PPP6R3: variants seen among roughly 807,000 people sequenced by gnomAD.
The protein encoded by PPP6R3 is protein phosphatase 6 regulatory subunit 3.
In PPP6R3, 38 loss-of-function variants were observed where a neutral mutation model predicts 110.7. The ratio of observed to expected loss-of-function variants is 0.34; its 90% CI spans 0.26 to 0.45. The LOEUF (loss-of-function observed/expected upper bound fraction) is 0.45. PPP6R3 is among the 20% of genes least tolerant of loss of function. The probability of loss-of-function intolerance (pLI) is 1.00; values close to 1 mark genes in which losing one functional copy is unlikely to be tolerated. For missense variants in PPP6R3, 870 were observed against 1,062.4 expected, an observed-to-expected ratio of 0.82 and a Z score of 2.52; for synonymous variants, 369 against 373.5, an observed-to-expected ratio of 0.99 and a Z score of 0.14.
chr11:68,526,118 T>C (rs1487218662), intron 2 of PPP6R3, among the ~76,000 whole-genome samples: 1 of 152,208 alleles, frequency 6.6e-6, no homozygotes, highest in Non-Finnish European at 1.5e-5. Context: ...TACCTGTTGC[T>C]TCCTTTCTGA....
intron 2 of PPP6R3, among the ~76,000 whole-genome samples, chr11:68,523,157 C>T (rs1002433707): frequency 9.9e-5 from 15 of 152,144 alleles, no homozygotes; most frequent in South Asian, 4.1e-4. Flanking sequence ...TAATTATTCC[C>T]GGAATCCCTA....
chr11:68,559,810 C>G (rs982598195), intron 8 of PPP6R3, among the ~76,000 whole-genome samples: 2 of 146,876 alleles, frequency 1.4e-5, no homozygotes, highest in African/African-American at 5.0e-5. Context: ...CCCAGCGGTA[C>G]AGTACCCTCT....
intron 2 of PPP6R3, among the ~76,000 whole-genome samples, chr11:68,523,000 C>G (rs1177260740): frequency 6.6e-6 from 1 of 152,216 alleles, no homozygotes; most frequent in African/African-American, 2.4e-5. Context: ...CTTATTTCCA[C>G]ATTTCTAAAT....
intron 1 of PPP6R3, among the ~76,000 whole-genome samples, chr11:68,480,849 C>T (rs2098903663): frequency 6.6e-6 from 1 of 152,096 alleles, no homozygotes; most frequent in Non-Finnish European, 1.5e-5. Context: ...ATGGAGTGTT[C>T]ATGTGTCAAT....
intron 1 of PPP6R3, among the ~76,000 whole-genome samples, chr11:68,463,384 G>T (rs1362987121): frequency 8.4e-6 from 1 of 119,682 alleles, no homozygotes; most frequent in Non-Finnish European, 1.9e-5. Flanking sequence ...AAAAGATAGG[G>T]CTTTGCACCT....
chr11:68,564,672 C>G (rs138902434), intron 9 of PPP6R3, among the ~76,000 whole-genome samples: 4 of 152,194 alleles, frequency 2.6e-5, no homozygotes, highest in Non-Finnish European at 5.9e-5. Context: ...TGGGTACTTA[C>G]ATGCCAGTAA....
At chr11:68,480,686 CT>C (rs1180878313) in intron 1 of PPP6R3, among the ~76,000 whole-genome samples, 1 of 152,066 alleles carries the variant, frequency 6.6e-6, no homozygotes, top group Non-Finnish European at 1.5e-5. Context: ...TTGGATTATT[CT>C]TTTGGTGTCT....
At chr11:68,465,006 T>G (rs1175308488) in intron 1 of PPP6R3, among the ~76,000 whole-genome samples, 1 of 151,828 alleles carries the variant, frequency 6.6e-6, no homozygotes, top group Non-Finnish European at 1.5e-5. Flanking sequence ...CTTAGCCTCC[T>G]GAGTAGCTAG....
chr11:68,566,166 A>G (rs1177426093), intron 9 of PPP6R3, among the ~76,000 whole-genome samples: 2 of 152,180 alleles, frequency 1.3e-5, no homozygotes, highest in Non-Finnish European at 2.9e-5. Context: ...CATTTTTATC[A>G]CAGATTTGGC....
At chr11:68,509,521 C>G (rs941629235) in intron 1 of PPP6R3, among the ~76,000 whole-genome samples, 7 of 145,314 alleles carry the variant, frequency 4.8e-5, no homozygotes, top group African/African-American at 1.8e-4. Context: ...TCTGTAGCCA[C>G]TGGTACCATG....
intron 1 of PPP6R3, among the ~76,000 whole-genome samples, chr11:68,476,168 G>A (rs1480530641): frequency 6.6e-6 from 1 of 152,230 alleles, no homozygotes; most frequent in Non-Finnish European, 1.5e-5. Flanking sequence ...TCCAGCCTGG[G>A]CAACATTGAG....
intron 6 of PPP6R3, among the ~76,000 whole-genome samples, chr11:68,551,662 A>G (rs1275211152): frequency 1.3e-5 from 2 of 151,924 alleles, no homozygotes; most frequent in Admixed American, 6.6e-5. Flanking sequence ...TAATTTTTGT[A>G]TTGTTAGTAG....
At chr11:68,575,255 G>A (rs1251767587) in intron 13 of PPP6R3, among the ~76,000 whole-genome samples, 1 of 152,212 alleles carries the variant, frequency 6.6e-6, no homozygotes, top group African/African-American at 2.4e-5. Context: ...ATGCATGGCT[G>A]TTTTAAACCA....
chr11:68,610,093 G>A (rs1594155361), intron 23 of PPP6R3, 70 bp downstream of exon 23: 7 of 1,584,512 alleles, frequency 4.4e-6, no homozygotes, highest in Middle Eastern at 1.7e-4. Context: ...TGGGAGTTGG[G>A]AGGGGACTAT....
intron 2 of PPP6R3, among the ~76,000 whole-genome samples, chr11:68,525,663 G>T: frequency 1.3e-5 from 2 of 152,178 alleles, no homozygotes; most frequent in East Asian, 3.9e-4. Context: ...GCTTTTGAAA[G>T]ATTTTTTTGT....
chr11:68,589,987 G>A (rs907095353), intron 16 of PPP6R3, among the ~76,000 whole-genome samples: 5 of 152,204 alleles, frequency 3.3e-5, no homozygotes, highest in African/African-American at 9.6e-5. Flanking sequence ...ACCAGACCCT[G>A]CAGGTCCCTG....
intron 1 of PPP6R3, among the ~76,000 whole-genome samples, chr11:68,493,428 C>CATTTTTA (rs1042687177): frequency 6.6e-6 from 1 of 151,522 alleles, no homozygotes; most frequent in Non-Finnish European, 1.5e-5. Context: ...AAGGTGCTGC[C>CATTTTTA]ATTTTTAATT....
intron 1 of PPP6R3, among the ~76,000 whole-genome samples, chr11:68,473,225 G>C (rs990944452): frequency 6.6e-6 from 1 of 152,198 alleles, no homozygotes; most frequent in African/African-American, 2.4e-5. Context: ...AGCCTTCAGT[G>C]AGAGGAGATT....
chr11:68,577,132 GC>G (rs2099534785), intron 14 of PPP6R3, among the ~76,000 whole-genome samples: 1 of 152,178 alleles, frequency 6.6e-6, no homozygotes, highest in South Asian at 2.1e-4. Flanking sequence ...TAGACCTAAG[GC>G]CTAATAGCCC....
Sources: gnomAD v4.1 joint callset for allele counts (sites outside exome capture counted in the v4.1 genomes callset) on GRCh38, gnomAD v4.1.1 for gene constraint, MANE v1.5 for transcripts, NCBI Gene and HGNC (gene_info 2026-07-23, HGNC 2026-07-21) for gene names.